ABCF3: variants seen among roughly 807,000 people sequenced by gnomAD.
ABCF3 encodes ATP binding cassette subfamily F member 3.
Under a neutral mutation model 94.3 loss-of-function variants are expected in ABCF3, and 62 were observed. That is an observed-to-expected ratio of 0.66 (90% CI 0.54 to 0.81). The LOEUF (loss-of-function observed/expected upper bound fraction) is 0.81. ABCF3 is among the 40% of genes least tolerant of loss of function. The probability of loss-of-function intolerance (pLI) is 0.00; values close to 1 mark genes in which losing one functional copy is unlikely to be tolerated. For missense variants in ABCF3, 843 were observed against 925.3 expected, an observed-to-expected ratio of 0.91 and a Z score of 1.15; for synonymous variants, 355 against 361.1, an observed-to-expected ratio of 0.98 and a Z score of 0.19.
Position 184,193,814 on chromosome 3 carries a change from C to T in ABCF3, c.*116C>T. On this transcript the variant is annotated 3_prime_UTR_variant, in exon 21 of 21. Transcript: ENST00000429586. The surrounding 1 kb of genome is among the most constrained non-coding windows in gnomAD (Gnocchi z 5.2). ...CCCCCAACTTGGGGACAGCCTTATT[C>T]CCAAATGTCTCTATCCTTTTGACTG... 2 of 1,250,196 alleles carry T rather than the reference C, an allele frequency of 1.6e-6. No individual in the cohort carries two copies. The highest frequency in any genetic ancestry group is 2.2e-6 in the Non-Finnish European group (2 of 918,408). 77.4% of individuals were successfully genotyped at this position (1,250,196 alleles called of 1,614,324 possible). A position where few individuals can be genotyped will look rare whatever the true frequency, so the allele number is the denominator to read the frequency against.
At chr3:184,187,477 G>C in intron 4 of ABCF3, 34 bp downstream of exon 4, 1 of 1,602,602 alleles carries the variant, frequency 6.2e-7, no homozygotes, top group Middle Eastern at 1.7e-4. Context: ...GGGACTGTCT[G>C]TGATGGGGTT....
Position 184,193,296 on chromosome 3 carries a change from T to C in ABCF3, c.1883+62T>C. The C allele has an allele frequency of 6.2e-7, 1 of 1,610,590 alleles. No homozygotes were observed. Among genetic ancestry groups the C allele is most frequent in the Non-Finnish European group, 8.5e-7 (1 of 1,178,090 alleles). ...TTCCCCTTCTTGCCCAGTAGAAAACTGTATCAGAAGGCTTTATTTTCTCTC... is the reference window on the plus strand; with the variant it reads ...TTCCCCTTCTTGCCCAGTAGAAAACCGTATCAGAAGGCTTTATTTTCTCTC... On this transcript the variant is annotated intron_variant, in intron 19 of 20. Transcript: ENST00000429586. The surrounding 1 kb of genome is among the most constrained non-coding windows in gnomAD (Gnocchi z 5.2).
Position 184,191,032 on chromosome 3 carries a change from G to A in ABCF3, c.1425G>A (p.Glu475=). 3 of 1,614,164 alleles carry A rather than the reference G, an allele frequency of 1.9e-6. No individual in the cohort carries two copies. The highest frequency in any genetic ancestry group is 2.5e-6 in the Non-Finnish European group (3 of 1,180,034). Residue 475 remains glutamate (E), a synonymous_variant, in exon 15 of 21, where the codon GAG becomes GAA. Transcript: ENST00000429586. ...TGAAGCCTGTGGACAAGGAATCAGA[G>A]GTCGTAATGAAGTAAGTGCTGGGCC... The part of the protein sequence containing the change: ...PELKPVDKES[E]VVMKFPDGFE...
intron 16 of ABCF3, 145 bp downstream of exon 16, chr3:184,191,400 C>T: frequency 2.5e-6 from 3 of 1,207,546 alleles, no homozygotes; most frequent in Non-Finnish European, 3.6e-6. Context: ...GCAGGACTTA[C>T]ACTAGCCCTG....
chr3:184,193,492 G>A lies in ABCF3; in HGVS notation c.1971+40G>A, dbSNP rs141063397. The A allele has an allele frequency of 1.8e-3, 2,906 of 1,614,014 alleles. 25 individuals are homozygous for A. Among genetic ancestry groups the A allele is most frequent in the South Asian group, 0.012 (1,138 of 91,072 alleles). On this transcript the variant is annotated intron_variant, in intron 20 of 20. Coordinates refer to ENST00000429586, the MANE Select transcript of ABCF3 (RefSeq NM_018358.3). This position sits in a 1 kb window ranked among gnomAD's most constrained non-coding sequence, Gnocchi z 5.2. ...ACCCTGACCACTCCTCCCAGGCCTC[G>A]GTGCCTCTTGTGTCCCCCTGAGCAC...
In ABCF3 at chr3:184,193,140, T is replaced by C; in HGVS notation, c.1789T>C (p.Tyr597His). Residue 597 changes from tyrosine (Y) to histidine (H), a missense_variant, in exon 19 of 21, where the codon TAT becomes CAT. Physicochemically the swap from Tyr to His is moderately conservative, Grantham distance 83. Transcript: ENST00000429586. The surrounding 1 kb of genome is among the most constrained non-coding windows in gnomAD (Gnocchi z 5.2). Reference protein sequence around the residue: ...EEEYRHQLGRYGISGELAMRP... With the variant: ...EEEYRHQLGRHGISGELAMRP... ...GGAGTACCGTCACCAGCTGGGTCGGTATGGCATCTCCGGAGAACTGGCCAT... is the reference window on the plus strand; with the variant it reads ...GGAGTACCGTCACCAGCTGGGTCGGCATGGCATCTCCGGAGAACTGGCCAT... The C allele has an allele frequency of 6.4e-7, 1 of 1,558,640 alleles. No homozygotes were observed. The highest frequency in any genetic ancestry group is 1.2e-5 in the South Asian group (1 of 81,020).
Position 184,191,749 on chromosome 3 carries a change from C to CTTTTTTTTTT in ABCF3, c.1569+499_1569+508dup, listed in dbSNP as rs375009324. 7.3e-4 allele frequency among the ~76,000 whole-genome samples: 84 copies of CTTTTTTTTTT among 114,682 alleles called. 8 individuals are homozygous for CTTTTTTTTTT. Among genetic ancestry groups the CTTTTTTTTTT allele is most frequent in the African/African-American group, 1.1e-3 (31 of 27,302 alleles). 75.2% of individuals were successfully genotyped at this position (114,682 alleles called of 152,430 possible). A position where few individuals can be genotyped will look rare whatever the true frequency, so the allele number is the denominator to read the frequency against. On this transcript the variant is annotated intron_variant, in intron 16 of 20. Transcript: ENST00000429586. ...GCATTTTTCTGTAGAGTTAGAGTTCCTTTTTTTTTTTTTTCGGAGACAGAG... is the reference window on the plus strand; with the variant it reads ...GCATTTTTCTGTAGAGTTAGAGTTCCTTTTTTTTTTTTTTTTTTTTTTTTCGGAGACAGAG...
intron 1 of ABCF3, 22 bp from the exon 2 acceptor site, chr3:184,186,485 C>CGG: frequency 6.3e-7 from 1 of 1,599,456 alleles, no homozygotes; most frequent in Non-Finnish European, 8.5e-7. Context: ...ATACCTTCCT[C>CGG]GTTCTACCAC....
At position 184,189,114 on chromosome 3, in the gene ABCF3, G is replaced by A. The variant is rs1427396570; in HGVS notation, c.1004G>A (p.Arg335Lys). The change falls in exon 10 of 21, where the codon AGG becomes AAG. Residue 335 changes from arginine (R) to lysine (K), a missense_variant. By Grantham distance (26) the Arg-to-Lys change is conservative. Coordinates refer to ENST00000429586, the MANE Select transcript of ABCF3 (RefSeq NM_018358.3). ...GAGTTCTCAGGTGGCTGGAGGATGA[G>A]GCTGGCCCTGGCCCGGGCCCTCTTT... ...TREFSGGWRM[R>K]LALARALFAR... 2.5e-6 allele frequency: 4 copies of A among 1,614,232 alleles called. No individual in the cohort carries two copies. The highest frequency in any genetic ancestry group is 3.3e-5 in the Admixed American group (2 of 60,032).
At position 184,186,633 on chromosome 3, in the gene ABCF3, G is replaced by A. The variant is rs1369816500; in HGVS notation, c.200G>A (p.Arg67His). The A allele has an allele frequency of 3.7e-6, 6 of 1,611,610 alleles. No individual in the cohort carries two copies. Among genetic ancestry groups the A allele is most frequent in the Non-Finnish European group, 5.1e-6 (6 of 1,178,744 alleles). ...DDAGIRAVCQ[R>H]MYNTLRLAEP... ...GCGGGCATCAGGGCCGTGTGCCAGC[G>A]CATGTACAACACTCTGCGTCTGTAT... The change falls in exon 2 of 21, where the codon CGC becomes CAC. Residue 67 changes from arginine (R) to histidine (H), a missense_variant. Transcript: ENST00000429586.
In ABCF3 at chr3:184,193,520, C is replaced by T. The variant is rs372869159; in HGVS notation, c.1972-20C>T. The T allele has an allele frequency of 6.8e-6, 11 of 1,614,032 alleles. No individual in the cohort carries two copies. The African/African-American group carries it at 9.3e-5, about 14-fold the overall frequency. On this transcript the variant is annotated intron_variant, in intron 20 of 20. Coordinates refer to ENST00000429586, the MANE Select transcript of ABCF3 (RefSeq NM_018358.3). This position sits in a 1 kb window ranked among gnomAD's most constrained non-coding sequence, Gnocchi z 5.2. ...GCCTCTTGTGTCCCCCTGAGCACCTCCTGCCCTCCTGTCTTTCAGGGTGGT... is the reference window on the plus strand; with the variant it reads ...GCCTCTTGTGTCCCCCTGAGCACCTTCTGCCCTCCTGTCTTTCAGGGTGGT...
chr3:184,186,754 C>T (rs763390482), intron 2 of ABCF3, 42 bp from the exon 3 acceptor site: 5 of 1,602,512 alleles, frequency 3.1e-6, no homozygotes, highest in Non-Finnish European at 4.3e-6. Context: ...AGAGCTTTTC[C>T]CTCAACTCCT....
Position 184,191,229 on chromosome 3 carries a change from G to T in ABCF3, c.1543G>T (p.Ala515Ser), listed in dbSNP as rs1379166310. The change falls in exon 16 of 21, where the codon GCT (alanine) becomes TCT (serine). Residue 515 changes from alanine (A) to serine (S), a missense_variant. Ala to Ser is a moderately conservative substitution (Grantham distance 99, BLOSUM62 1). Coordinates refer to ENST00000429586, the MANE Select transcript of ABCF3 (RefSeq NM_018358.3). The part of the protein sequence containing the change: ...HVIFSRLSVS[A>S]DLESRICVVG... ...CATCTTCAGTCGCCTCTCTGTGTCT[G>T]CTGATCTCGAGTCTCGCATCTGTGT... The T allele has an allele frequency of 6.2e-7, 1 of 1,614,216 alleles. No homozygotes were observed. The highest frequency in any genetic ancestry group is 8.5e-7 in the Non-Finnish European group (1 of 1,180,040).
intron 14 of ABCF3, 32 bp from the exon 15 acceptor site, chr3:184,190,967 A>G: frequency 6.2e-7 from 1 of 1,611,898 alleles, no homozygotes; most frequent in Non-Finnish European, 8.5e-7. Context: ...TTTTTAAGTA[A>G]TAAATCTAGT....
In ABCF3 at chr3:184,188,791, A is replaced by T; in HGVS notation, c.867A>T (p.Ala289=). Residue 289 remains alanine, a synonymous_variant, in exon 8 of 21, where the codon GCA becomes GCT. Transcript: ENST00000429586. The part of the protein sequence containing the change: ...RAEGSEAAEL[A]EIYAKLEEIE... ...AGGGCTCTGAAGCTGCAGAGCTGGC[A>T]GAAATCTATGCCAAACTGGAGGAGA... The T allele has an allele frequency of 1.2e-6, 2 of 1,613,978 alleles. No homozygotes were observed. Among genetic ancestry groups the T allele is most frequent in the Non-Finnish European group, 1.7e-6 (2 of 1,179,874 alleles).
intron 16 of ABCF3, 73 bp downstream of exon 16, chr3:184,191,328 T>A (rs946156153): frequency 3.7e-5 from 60 of 1,601,722 alleles, no homozygotes; most frequent in Non-Finnish European, 5.1e-5. Flanking sequence ...TTGGCCCAGA[T>A]CCTCAGGCTG....
In ABCF3 at chr3:184,193,144, G is replaced by A; in HGVS notation, c.1793G>A (p.Gly598Asp). Residue 598 changes from glycine to aspartate, a missense_variant, in exon 19 of 21, where the codon GGC (glycine) becomes GAC (aspartate). Gly to Asp is a moderately conservative substitution (Grantham distance 94). Coordinates refer to ENST00000429586, the MANE Select transcript of ABCF3 (RefSeq NM_018358.3). This position sits in a 1 kb window ranked among gnomAD's most constrained non-coding sequence, Gnocchi z 5.2. ...TACCGTCACCAGCTGGGTCGGTATG[G>A]CATCTCCGGAGAACTGGCCATGCGT... The part of the protein sequence containing the change: ...EEYRHQLGRY[G>D]ISGELAMRPL... 6.4e-7 allele frequency: 1 copy of A among 1,561,310 alleles called. No individual in the cohort carries two copies. Among genetic ancestry groups the A allele is most frequent in the Non-Finnish European group, 8.7e-7 (1 of 1,154,892 alleles).
At chr3:184,190,124 C>T in intron 14 of ABCF3, 193 bp downstream of exon 14, 1 of 611,384 alleles carries the variant, frequency 1.6e-6, no homozygotes, top group South Asian at 2.0e-5. Context: ...ATGGCAACCA[C>T]TAATTTACTT....
chr3:184,193,851 G>A lies in ABCF3; in HGVS notation c.*153G>A. The A allele has an allele frequency of 9.6e-7, 1 of 1,041,290 alleles. No homozygotes were observed. Among genetic ancestry groups the A allele is most frequent in the Non-Finnish European group, 1.4e-6 (1 of 740,184 alleles). The allele number at this position is 1,041,290 out of a possible 1,614,324, so 64.5% of individuals were successfully genotyped here. A position where few individuals can be genotyped will look rare whatever the true frequency, so the allele number is the denominator to read the frequency against. ...TATCCTTTTGACTGGAGCATCTTCT[G>A]CACAACCTTGGGAGCCCATCCAAGG... On this transcript the variant is annotated 3_prime_UTR_variant, in exon 21 of 21. Coordinates refer to ENST00000429586, the MANE Select transcript of ABCF3 (RefSeq NM_018358.3). The surrounding 1 kb of genome is among the most constrained non-coding windows in gnomAD (Gnocchi z 5.2).
Sources: gnomAD v4.1 joint callset for allele counts (sites outside exome capture counted in the v4.1 genomes callset) on GRCh38, gnomAD v4.1.1 for gene constraint, Gnocchi (gnomAD v3.1) non-coding constraint, MANE v1.5 for transcripts, NCBI Gene and HGNC (gene_info 2026-07-23, HGNC 2026-07-21) for gene names.